APOBEC3F: variants seen among roughly 807,000 people sequenced by gnomAD.
APOBEC3F encodes apolipoprotein B mRNA editing enzyme catalytic subunit 3F, also known as DNA dC->dU-editing enzyme APOBEC-3F.
A neutral mutation model predicts 45.8 loss-of-function variants in APOBEC3F; 34 were observed. That is an observed-to-expected ratio of 0.74 (90% CI 0.57 to 0.99). APOBEC3F has a LOEUF of 0.99. APOBEC3F is among the 50% of genes least tolerant of loss of function. APOBEC3F has a pLI of 0.00. For missense variants in APOBEC3F, 459 were observed against 474.1 expected (o/e 0.97, Z 0.30); for synonymous variants, 192 against 174.4 (o/e 1.10, Z -0.80).
chr22:39,054,684 G>A lies in APOBEC3F; in HGVS notation c.*1989G>A, dbSNP rs1023788903. On this transcript the variant is annotated 3_prime_UTR_variant, in exon 7 of 7. Transcript: ENST00000308521. ...TCTCCCAACATGGTGAACACCACCC[G>A]GACTGCGTGTATGTCCCAAATTACA... is the stretch of plus-strand genomic sequence containing the variant. Among the ~76,000 whole-genome samples, 17 of 152,166 alleles carry A rather than the reference G, an allele frequency of 1.1e-4. No homozygotes were observed. Among genetic ancestry groups the A allele is most frequent in the African/African-American group, 2.2e-4 (9 of 41,430 alleles).
intron 4 of APOBEC3F, among the ~76,000 whole-genome samples, chr22:39,047,194 G>A (rs117163502): frequency 0.032 from 4,856 of 152,264 alleles, 106 homozygotes; most frequent in Non-Finnish European, 0.047. Context: ...TCCAATGGTG[G>A]CCTTTGAATG....
At chr22:39,042,247 A>G (rs1200348663) in intron 1 of APOBEC3F, among the ~76,000 whole-genome samples, 1 of 152,198 alleles carries the variant, frequency 6.6e-6, no homozygotes, top group Non-Finnish European at 1.5e-5. Context: ...GTGAAATGTC[A>G]GAAGGAACTG....
chr22:39,045,377 C>G, intron 3 of APOBEC3F, 51 bp from the exon 4 acceptor site: 1 of 1,613,084 alleles, frequency 6.2e-7, no homozygotes, highest in East Asian at 2.2e-5. Context: ...CCTGGGAGCG[C>G]GGGCCCAGGG....
At position 39,052,104 on chromosome 22, in the gene APOBEC3F, A is replaced by T. The variant is rs1406682008; in HGVS notation, c.754A>T (p.Arg252Trp). 1 of 1,612,602 alleles carries T rather than the reference A, an allele frequency of 6.2e-7. No individual in the cohort carries two copies. The highest frequency in any genetic ancestry group is 1.3e-5 in the African/African-American group (1 of 74,880). The change falls in exon 6 of 7, where the codon AGG becomes TGG. Residue 252 changes from arginine to tryptophan, a missense_variant. Physicochemically the swap from Arg to Trp is moderately radical, Grantham distance 101. Transcript: ENST00000308521. ...VDPETHCHAE[R>W]CFLSWFCDDI... is the part of the protein sequence containing the mutation. ...TCCTGAGACCCATTGTCATGCAGAA[A>T]GGTGCTTCCTCTCTTGGTTCTGTGA...
chr22:39,050,709 G>A (rs950462634), intron 5 of APOBEC3F, among the ~76,000 whole-genome samples: 22 of 151,526 alleles, frequency 1.5e-4, no homozygotes, highest in Non-Finnish European at 2.4e-4. Context: ...ACGTGCCAAC[G>A]TTTCTAATCA....
At position 39,053,571 on chromosome 22, in the gene APOBEC3F, C is replaced by T. The variant is rs1025598968; in HGVS notation, c.*876C>T. On this transcript the variant is annotated 3_prime_UTR_variant, in exon 7 of 7. Transcript: ENST00000308521. ...TGGAGGCTGCAGTGAACTGAGATCA[C>T]GTCACTGAACTCCAGTCTGAGCAAC... 6 of 152,008 alleles carry T rather than the reference C, an allele frequency of 3.9e-5. No individual in the cohort carries two copies. Among genetic ancestry groups the T allele is most frequent in the Admixed American group, 3.3e-4 (5 of 15,272 alleles). The allele number at this position is 152,008 out of a possible 1,614,324, so 9.4% of individuals were successfully genotyped here.
At chr22:39,051,973 C>T in intron 5 of APOBEC3F, 101 bp from the exon 6 acceptor site, 2 of 1,514,410 alleles carry the variant, frequency 1.3e-6, no homozygotes, top group Admixed American at 1.9e-5. Flanking sequence ...TAAGGAAACG[C>T]CCTGGGGCTC....
chr22:39,045,067 G>T lies in APOBEC3F; in HGVS notation c.298G>T (p.Val100Leu). The part of the protein sequence containing the change: ...FVSWTPCPDC[V>L]AKLAEFLAEH... The stretch of plus-strand genomic sequence containing the variant: ...ATCCTGGACCCCCTGCCCGGACTGT[G>T]TGGCGAAGCTGGCCGAATTCCTGGC... The change falls in exon 3 of 7, where the codon GTG (valine) becomes TTG (leucine). Residue 100 changes from valine (V) to leucine (L), a missense_variant. Transcript: ENST00000308521. The T allele has an allele frequency of 6.2e-7, 1 of 1,613,950 alleles. No individual in the cohort carries two copies. The highest frequency in any genetic ancestry group is 2.2e-5 in the East Asian group (1 of 44,872).
intron 5 of APOBEC3F, among the ~76,000 whole-genome samples, chr22:39,051,493 C>G (rs1382508830): frequency 2.1e-5 from 3 of 146,080 alleles, no homozygotes; most frequent in Non-Finnish European, 4.5e-5. Flanking sequence ...GCGGAGATCG[C>G]GCCACTGCAC....
At chr22:39,050,977 G>A (rs1927456492) in intron 5 of APOBEC3F, among the ~76,000 whole-genome samples, 1 of 152,214 alleles carries the variant, frequency 6.6e-6, no homozygotes, top group Non-Finnish European at 1.5e-5. Context: ...AGTGGCTCAC[G>A]CCTGTAATCC....
In APOBEC3F at chr22:39,053,654, A is replaced by AAAGTTGAAATGGGTATGT. The variant is rs1057431057; in HGVS notation, c.*969_*986dup. ...AATAAACTCAACCGAAATGGGTATGAAAGTTGAAATGGGTATGTAAGTTGA... is the reference window on the plus strand; with the variant it reads ...AATAAACTCAACCGAAATGGGTATGAAAGTTGAAATGGGTATGTAAGTTGAAATGGGTATGTAAGTTGA... On this transcript the variant is annotated 3_prime_UTR_variant, in exon 7 of 7. Coordinates refer to ENST00000308521, the MANE Select transcript of APOBEC3F (RefSeq NM_145298.6). The AAAGTTGAAATGGGTATGT allele has an allele frequency of 5.3e-5, 8 of 152,172 alleles. No individual in the cohort carries two copies. Among genetic ancestry groups the AAAGTTGAAATGGGTATGT allele is most frequent in the African/African-American group, 1.9e-4 (8 of 41,436 alleles). The allele number at this position is 152,172 out of a possible 1,614,324, so 9.4% of individuals were successfully genotyped here.
intron 4 of APOBEC3F, among the ~76,000 whole-genome samples, chr22:39,048,004 C>T (rs776000612): frequency 6.6e-6 from 1 of 152,178 alleles, no homozygotes; most frequent in Non-Finnish European, 1.5e-5. Context: ...CCAAAGATGC[C>T]TCCACTGTGA....
intron 4 of APOBEC3F, among the ~76,000 whole-genome samples, chr22:39,047,161 CA>C (rs935203950): frequency 9.2e-5 from 14 of 152,052 alleles, no homozygotes; most frequent in African/African-American, 2.7e-4. Context: ...CATCTGAGGG[CA>C]CCCCCACCCG....
intron 4 of APOBEC3F, among the ~76,000 whole-genome samples, chr22:39,047,901 A>C (rs1927300981): frequency 6.6e-6 from 1 of 152,120 alleles, no homozygotes; most frequent in East Asian, 1.9e-4. Context: ...CTTCCATGGA[A>C]TTTCTGCAAG....
rs770657303 is a variant in APOBEC3F at position 39,052,717 on chromosome 22, G to A, written c.*22G>A. 8 of 1,603,532 alleles carry A rather than the reference G, an allele frequency of 5.0e-6. No individual in the cohort carries two copies. In the East Asian group the frequency reaches 1.1e-4, roughly 22 times the overall value. On this transcript the variant is annotated 3_prime_UTR_variant, in exon 7 of 7. Transcript: ENST00000308521. The stretch of plus-strand genomic sequence containing the variant: ...GTGAGGGGTCTCCCCGGGCCTCATG[G>A]TCTGTCTCCTCTAGCCTCCTGCTCA...
chr22:39,042,539 T>C lies in APOBEC3F; in HGVS notation c.18-398T>C, dbSNP rs578054678. 7.2e-5 allele frequency among the ~76,000 whole-genome samples: 11 copies of C among 152,272 alleles called. No individual in the cohort carries two copies. In the South Asian group the frequency reaches 1.9e-3, roughly 26 times the overall value. ...GTTGGTGAGACTGGTCTCAAACTCC[T>C]GACCTCAAGTGATGGGCCTACCTCG... is the stretch of plus-strand genomic sequence containing the variant. On this transcript the variant is annotated intron_variant, in intron 1 of 6. Transcript: ENST00000308521.
intron 2 of APOBEC3F, chr22:39,043,978 T>C (rs1927065441): frequency 2.1e-6 from 3 of 1,415,090 alleles, no homozygotes; most frequent in Admixed American, 2.8e-5. Context: ...TGAGCCGAGA[T>C]TGCATCATTG....
chr22:39,045,375 C>T (rs967496782), intron 3 of APOBEC3F, 53 bp from the exon 4 acceptor site: 5 of 1,612,642 alleles, frequency 3.1e-6, no homozygotes, highest in African/African-American at 1.3e-5. Flanking sequence ...GGCCTGGGAG[C>T]GCGGGCCCAG....
chr22:39,041,255 C>T (rs1477003322), intron 1 of APOBEC3F, among the ~76,000 whole-genome samples: 1 of 151,352 alleles, frequency 6.6e-6, no homozygotes, highest in African/African-American at 2.4e-5. Context: ...GCTGGTGCTC[C>T]CGGCCCTGGG....
Sources: allele counts gnomAD v4.1 joint callset (sites outside exome capture counted in the v4.1 genomes callset), GRCh38; gene constraint gnomAD v4.1.1; transcripts MANE v1.5; gene names NCBI Gene and HGNC (gene_info 2026-07-23, HGNC 2026-07-21).